P2RY1: variants seen among roughly 807,000 people sequenced by gnomAD.
P2RY1 encodes purinergic receptor P2Y1.
Under a neutral mutation model 22.8 loss-of-function variants are expected in P2RY1, and 14 were observed. The ratio of observed to expected loss-of-function variants is 0.61; its 90% CI spans 0.41 to 0.96. P2RY1 has a LOEUF of 0.96. Among genes scored for constraint, P2RY1 ranks in the 40% least tolerant of loss-of-function variants. The pLI, the probability that P2RY1 is intolerant of heterozygous loss-of-function variation, is 0.00. For synonymous variants in P2RY1, 200 were observed against 195.1 expected (o/e 1.03, Z -0.21); for missense variants, 395 against 470.3 (o/e 0.84, Z 1.48).
In P2RY1 at chr3:152,838,748, T is replaced by C. The variant is rs1440281783; in HGVS notation, c.*1844T>C. On this transcript the variant is annotated 3_prime_UTR_variant, in exon 1 of 1. Coordinates refer to ENST00000305097, the MANE Select transcript of P2RY1 (RefSeq NM_002563.5). ...TTCCAAAGCAGTGATTCTTTTTACA[T>C]GTTCAGTTTTAATGCATAGGATTAT... 1 of 152,188 alleles carries C rather than the reference T, an allele frequency of 6.6e-6. No individual in the cohort carries two copies. The highest frequency in any genetic ancestry group is 1.5e-5 in the Non-Finnish European group (1 of 68,038). The allele number at this position is 152,188 out of a possible 1,614,324, so 9.4% of individuals were successfully genotyped here.
rs1456920887 is a variant in P2RY1 at position 152,841,295 on chromosome 3, G to GTC, written c.*4392_*4393insCT. 1.6e-4 allele frequency: 24 copies of GTC among 150,102 alleles called. No individual in the cohort carries two copies. Among genetic ancestry groups the GTC allele is most frequent in the African/African-American group, 5.9e-4 (24 of 40,394 alleles). The allele number at this position is 150,102 out of a possible 1,614,324, so 9.3% of individuals were successfully genotyped here. The stretch of plus-strand genomic sequence containing the variant: ...TGTGTGTGTGTGTGTGTGTGTGTGT[G>GTC]TGTCTTAGTGTGTGTAAGGCATGGC... On this transcript the variant is annotated 3_prime_UTR_variant, in exon 1 of 1. Transcript: ENST00000305097.
Position 152,836,969 on chromosome 3 carries a change from C to T in P2RY1, c.*65C>T. Reference sequence around the variant, plus strand: ...GTAGGATGCTTAACAGAATCAAGTACTTTTCCCCTCTTTAACTTTCTAGTT... The same window carrying T: ...GTAGGATGCTTAACAGAATCAAGTATTTTTCCCCTCTTTAACTTTCTAGTT... On this transcript the variant is annotated 3_prime_UTR_variant, in exon 1 of 1. Coordinates refer to ENST00000305097, the MANE Select transcript of P2RY1 (RefSeq NM_002563.5). This position sits in a 1 kb window ranked among gnomAD's most constrained non-coding sequence, Gnocchi z 5.6. 1 of 1,260,714 alleles carries T rather than the reference C, an allele frequency of 7.9e-7. No homozygotes were observed. Among genetic ancestry groups the T allele is most frequent in the East Asian group, 2.3e-5 (1 of 42,654 alleles). 78.1% of individuals were successfully genotyped at this position (1,260,714 alleles called of 1,614,324 possible).
rs1401199667 is a variant in P2RY1, at chr3:152,838,722, C to A, written c.*1818C>A. ...TCAATGAAGAAAAGCTGTATTTAAC[C>A]TTCCAAAGCAGTGATTCTTTTTACA... On this transcript the variant is annotated 3_prime_UTR_variant, in exon 1 of 1. Coordinates refer to ENST00000305097, the MANE Select transcript of P2RY1 (RefSeq NM_002563.5). The A allele has an allele frequency of 6.6e-6, 1 of 152,122 alleles. No homozygotes were observed. The highest frequency in any genetic ancestry group is 2.1e-4 in the South Asian group (1 of 4,820). The allele number at this position is 152,122 out of a possible 1,614,324, so 9.4% of individuals were successfully genotyped here. A position where few individuals can be genotyped will look rare whatever the true frequency, so the allele number is the denominator to read the frequency against.
Position 152,835,652 on chromosome 3 carries a change from C to G in P2RY1, c.-131C>G. Reference sequence around the variant, plus strand: ...GTGGGCGAGCCCCTGCGCGCCCCCTCCCGCGGGGATCCAGTTCGCCTGCTC... The same window carrying G: ...GTGGGCGAGCCCCTGCGCGCCCCCTGCCGCGGGGATCCAGTTCGCCTGCTC... On this transcript the variant is annotated 5_prime_UTR_variant, in exon 1 of 1. Transcript: ENST00000305097. 1.1e-6 allele frequency: 1 copy of G among 923,126 alleles called. No individual in the cohort carries two copies. The highest frequency in any genetic ancestry group is 1.6e-6 in the Non-Finnish European group (1 of 634,808). 57.2% of individuals were successfully genotyped at this position (923,126 alleles called of 1,614,324 possible).
rs144727670 is a variant in P2RY1 at position 152,835,885 on chromosome 3, G to C, written c.103G>C (p.Ala35Pro). ...WGNSTVASTA[A>P]VSSSFKCALT... Reference sequence around the variant, plus strand: ...GAACAGCACGGTCGCCTCCACTGCCGCCGTCTCCTCGTCGTTCAAATGCGC... The same window carrying C: ...GAACAGCACGGTCGCCTCCACTGCCCCCGTCTCCTCGTCGTTCAAATGCGC... Residue 35 changes from alanine (A) to proline (P), a missense_variant, in exon 1 of 1, where the codon GCC (alanine) becomes CCC (proline). By Grantham distance (27) the Ala-to-Pro change is conservative (BLOSUM62 -1). Transcript: ENST00000305097. The C allele has an allele frequency of 1.9e-6, 3 of 1,613,962 alleles. No individual in the cohort carries two copies. Among genetic ancestry groups the C allele is most frequent in the Non-Finnish European group, 2.5e-6 (3 of 1,180,032 alleles).
rs947632807 is a variant in P2RY1 at position 152,840,335 on chromosome 3, C to T, written c.*3431C>T. ...CCCTAGTAGTGCTTTTGCATGTTTG[C>T]CTTTTTATTTAAGTTTTTTTCTATA... On this transcript the variant is annotated 3_prime_UTR_variant, in exon 1 of 1. Coordinates refer to ENST00000305097, the MANE Select transcript of P2RY1 (RefSeq NM_002563.5). The T allele has an allele frequency of 4.6e-5, 7 of 151,920 alleles. No homozygotes were observed. Among genetic ancestry groups the T allele is most frequent in the Non-Finnish European group, 8.8e-5 (6 of 67,958 alleles). The allele number at this position is 151,920 out of a possible 1,614,324, so 9.4% of individuals were successfully genotyped here.
Position 152,835,750 on chromosome 3 carries a change from C to T in P2RY1, c.-33C>T, listed in dbSNP as rs1355099832. On this transcript the variant is annotated 5_prime_UTR_variant, in exon 1 of 1. Transcript: ENST00000305097. Reference sequence around the variant, plus strand: ...GCTGCCCTCTCGCCGCCTCCTACCCCTCGGAGCCGCCGCCTAAGTCGAGGA... The same window carrying T: ...GCTGCCCTCTCGCCGCCTCCTACCCTTCGGAGCCGCCGCCTAAGTCGAGGA... 2.6e-6 allele frequency: 4 copies of T among 1,540,792 alleles called. No homozygotes were observed. Among genetic ancestry groups the T allele is most frequent in the Non-Finnish European group, 1.7e-6 (2 of 1,150,596 alleles).
At position 152,836,615 on chromosome 3, in the gene P2RY1, T is replaced by G. The variant is rs762563403; in HGVS notation, c.833T>G (p.Val278Gly). ...GCTGTGTCTTACATCCCTTTCCATG[T>G]GATGAAAACGATGAACTTGAGGGCC... is the stretch of plus-strand genomic sequence containing the variant. Reference protein sequence around the residue: ...VFAVSYIPFHVMKTMNLRARL... With the variant: ...VFAVSYIPFHGMKTMNLRARL... The change falls in exon 1 of 1, where the codon GTG (valine) becomes GGG (glycine). Residue 278 changes from valine to glycine, a missense_variant. By Grantham distance (109) the Val-to-Gly change is moderately radical (BLOSUM62 -3). This residue lies in a region of P2RY1 where 291 missense variants were observed against 361.6 expected (regional missense o/e 0.80). Coordinates refer to ENST00000305097, the MANE Select transcript of P2RY1 (RefSeq NM_002563.5). This position sits in a 1 kb window ranked among gnomAD's most constrained non-coding sequence, Gnocchi z 5.6. 4 of 1,614,068 alleles carry G rather than the reference T, an allele frequency of 2.5e-6. No homozygotes were observed. Among genetic ancestry groups the G allele is most frequent in the Non-Finnish European group, 2.5e-6 (3 of 1,180,050 alleles).
chr3:152,839,447 AC>A lies in P2RY1; in HGVS notation c.*2544del, dbSNP rs1290861975. 6.6e-6 allele frequency: 1 copy of A among 152,216 alleles called. No homozygotes were observed. The highest frequency in any genetic ancestry group is 2.4e-5 in the African/African-American group (1 of 41,460). 9.4% of individuals were successfully genotyped at this position (152,216 alleles called of 1,614,324 possible). On this transcript the variant is annotated 3_prime_UTR_variant, in exon 1 of 1. Transcript: ENST00000305097. ...AAATGTGTTGGCATTTGGATAAAAA[AC>A]TGCTAACATTATAGAACTTATTACC...
Position 152,836,590 on chromosome 3 carries a change from G to A in P2RY1, c.808G>A (p.Ala270Thr), listed in dbSNP as rs748105517. ...GGTAATCATTGTACTGACTGTTTTT[G>A]CTGTGTCTTACATCCCTTTCCATGT... The part of the protein sequence containing the change: ...YLVIIVLTVF[A>T]VSYIPFHVMK... Residue 270 changes from alanine to threonine, a missense_variant, in exon 1 of 1, where the codon GCT becomes ACT. This residue lies in a region of P2RY1 where 291 missense variants were observed against 361.6 expected (regional missense o/e 0.80). Transcript: ENST00000305097. This position sits in a 1 kb window ranked among gnomAD's most constrained non-coding sequence, Gnocchi z 5.6. 18 of 1,614,030 alleles carry A rather than the reference G, an allele frequency of 1.1e-5. No individual in the cohort carries two copies. Among genetic ancestry groups the A allele is most frequent in the Non-Finnish European group, 1.5e-5 (18 of 1,180,032 alleles).
Position 152,836,004 on chromosome 3 carries a change from G to A in P2RY1, c.222G>A (p.Trp74Ter). 6.2e-7 allele frequency: 1 copy of A among 1,614,194 alleles called. No homozygotes were observed. Among genetic ancestry groups the A allele is most frequent in the Non-Finnish European group, 8.5e-7 (1 of 1,180,042 alleles). The change falls in exon 1 of 1, where the codon TGG becomes TGA. Residue 74 changes from tryptophan to a stop codon, truncating the protein, a stop_gained. Coordinates refer to ENST00000305097, the MANE Select transcript of P2RY1 (RefSeq NM_002563.5). LOFTEE classifies it high-confidence loss of function. This position sits in a 1 kb window ranked among gnomAD's most constrained non-coding sequence, Gnocchi z 5.6. ...TCCTGGGCAACAGCGTGGCCATCTG[G>A]ATGTTCGTCTTCCACATGAAGCCCT... The part of the protein sequence containing the change: ...IGFLGNSVAI[W>*]MFVFHMKPWS...
At position 152,835,907 on chromosome 3, in the gene P2RY1, G is replaced by T; in HGVS notation, c.125G>T (p.Cys42Phe). ...STAAVSSSFKCALTKTGFQFY... is the reference protein window; with the variant it reads ...STAAVSSSFKFALTKTGFQFY... Reference sequence around the variant, plus strand: ...GCCGCCGTCTCCTCGTCGTTCAAATGCGCCTTGACCAAGACGGGCTTCCAG... The same window carrying T: ...GCCGCCGTCTCCTCGTCGTTCAAATTCGCCTTGACCAAGACGGGCTTCCAG... Residue 42 changes from cysteine to phenylalanine, a missense_variant, in exon 1 of 1, where the codon TGC becomes TTC. By Grantham distance (205) the Cys-to-Phe change is radical. Coordinates refer to ENST00000305097, the MANE Select transcript of P2RY1 (RefSeq NM_002563.5). 1 of 1,614,182 alleles carries T rather than the reference G, an allele frequency of 6.2e-7. No individual in the cohort carries two copies. The highest frequency in any genetic ancestry group is 8.5e-7 in the Non-Finnish European group (1 of 1,180,050).
chr3:152,836,924 C>A lies in P2RY1; in HGVS notation c.*20C>A. ...CTGTGAAGGCACAAGAATCTCCAAACACCTCTCTGTTGTAATATGGTAGGA... is the reference window on the plus strand; with the variant it reads ...CTGTGAAGGCACAAGAATCTCCAAAAACCTCTCTGTTGTAATATGGTAGGA... On this transcript the variant is annotated 3_prime_UTR_variant, in exon 1 of 1. Transcript: ENST00000305097. This position sits in a 1 kb window ranked among gnomAD's most constrained non-coding sequence, Gnocchi z 5.6. 1 of 1,570,780 alleles carries A rather than the reference C, an allele frequency of 6.4e-7. No homozygotes were observed. The highest frequency in any genetic ancestry group is 8.7e-7 in the Non-Finnish European group (1 of 1,153,002).
Position 152,840,128 on chromosome 3 carries a change from A to G in P2RY1, c.*3224A>G, listed in dbSNP as rs908044904. ...GATCCAACATACTAATGTAAATTAT[A>G]TTTATTACAATGTATGATATTAATG... is the stretch of plus-strand genomic sequence containing the variant. On this transcript the variant is annotated 3_prime_UTR_variant, in exon 1 of 1. Coordinates refer to ENST00000305097, the MANE Select transcript of P2RY1 (RefSeq NM_002563.5). The G allele has an allele frequency of 2.6e-5, 4 of 152,226 alleles. No homozygotes were observed. 9.4% of individuals were successfully genotyped at this position (152,226 alleles called of 1,614,324 possible). A position where few individuals can be genotyped will look rare whatever the true frequency, so the allele number is the denominator to read the frequency against.
At position 152,836,424 on chromosome 3, in the gene P2RY1, T is replaced by C. The variant is rs781219547; in HGVS notation, c.642T>C (p.Tyr214=). The part of the protein sequence containing the change: ...DTTSDEYLRS[Y]FIYSMCTTVA... ...CCTCAGACGAGTACCTGCGAAGTTA[T>C]TTCATCTACAGCATGTGCACGACCG... is the stretch of plus-strand genomic sequence containing the variant. The change falls in exon 1 of 1, where the codon TAT becomes TAC. Residue 214 remains tyrosine (Y), a synonymous_variant. Coordinates refer to ENST00000305097, the MANE Select transcript of P2RY1 (RefSeq NM_002563.5). The surrounding 1 kb of genome is among the most constrained non-coding windows in gnomAD (Gnocchi z 5.6). 6.2e-7 allele frequency: 1 copy of C among 1,614,188 alleles called. No homozygotes were observed.
In P2RY1 at chr3:152,835,646, C is replaced by T; in HGVS notation, c.-137C>T. 1.2e-6 allele frequency: 1 copy of T among 849,370 alleles called. No individual in the cohort carries two copies. Among genetic ancestry groups the T allele is most frequent in the Non-Finnish European group, 1.8e-6 (1 of 569,004 alleles). The allele number at this position is 849,370 out of a possible 1,614,324, so 52.6% of individuals were successfully genotyped here. Reference sequence around the variant, plus strand: ...GCTGGCGTGGGCGAGCCCCTGCGCGCCCCCTCCCGCGGGGATCCAGTTCGC... The same window carrying T: ...GCTGGCGTGGGCGAGCCCCTGCGCGTCCCCTCCCGCGGGGATCCAGTTCGC... On this transcript the variant is annotated 5_prime_UTR_variant, in exon 1 of 1. Transcript: ENST00000305097.
rs767106575 is a variant in P2RY1 at position 152,835,770 on chromosome 3, CGA to C, written c.-11_-10del. ...TACCCCTCGGAGCCGCCGCCTAAGT[CGA>C]GGAGGAGAGAATGACCGAGGTGCTG... On this transcript the variant is annotated 5_prime_UTR_variant, in exon 1 of 1. Transcript: ENST00000305097. 3 of 1,574,730 alleles carry C rather than the reference CGA, an allele frequency of 1.9e-6. No individual in the cohort carries two copies. The Admixed American group carries it at 5.3e-5, about 28-fold the overall frequency.
Position 152,838,395 on chromosome 3 carries a change from A to G in P2RY1, c.*1491A>G, listed in dbSNP as rs762167966. 3 of 152,226 alleles carry G rather than the reference A, an allele frequency of 2.0e-5. No homozygotes were observed. Among genetic ancestry groups the G allele is most frequent in the Non-Finnish European group, 2.9e-5 (2 of 68,030 alleles). The allele number at this position is 152,226 out of a possible 1,614,324, so 9.4% of individuals were successfully genotyped here. A position where few individuals can be genotyped will look rare whatever the true frequency, so the allele number is the denominator to read the frequency against. On this transcript the variant is annotated 3_prime_UTR_variant, in exon 1 of 1. Coordinates refer to ENST00000305097, the MANE Select transcript of P2RY1 (RefSeq NM_002563.5). ...TATATAATGAGAATAACAAGGTGAGATAATGCAATTGACAATCCCAAACAA... is the reference window on the plus strand; with the variant it reads ...TATATAATGAGAATAACAAGGTGAGGTAATGCAATTGACAATCCCAAACAA...
chr3:152,837,427 T>G lies in P2RY1; in HGVS notation c.*523T>G, dbSNP rs1716195453. On this transcript the variant is annotated 3_prime_UTR_variant, in exon 1 of 1. Coordinates refer to ENST00000305097, the MANE Select transcript of P2RY1 (RefSeq NM_002563.5). The stretch of plus-strand genomic sequence containing the variant: ...CAATGGATCTCTGAGCGGGGTGTTT[T>G]TTTCAGTGTCTTATAAGCATAGATG... The G allele has an allele frequency of 6.0e-6, 1 of 167,098 alleles. No homozygotes were observed. The highest frequency in any genetic ancestry group is 1.5e-5 in the Non-Finnish European group (1 of 68,674). 10.4% of individuals were successfully genotyped at this position (167,098 alleles called of 1,614,324 possible).
Sources: allele counts gnomAD v4.1 joint callset, GRCh38; gene constraint gnomAD v4.1.1; regional missense constraint gnomAD v4.1.1; non-coding constraint Gnocchi (gnomAD v3.1); transcripts MANE v1.5; gene names NCBI Gene and HGNC (gene_info 2026-07-23, HGNC 2026-07-21).